The following RGSL1 variants were observed in gnomAD, a reference collection of about 807,000 sequenced individuals.
The protein encoded by RGSL1 is regulator of G protein signaling like 1.
In RGSL1, 97 loss-of-function variants were observed where a neutral mutation model predicts 124.7. The observed-to-expected ratio is 0.78, with a 90% CI of 0.66 to 0.92. The LOEUF (loss-of-function observed/expected upper bound fraction) is 0.92. RGSL1 is among the 40% of genes least tolerant of loss of function. The pLI, the probability that RGSL1 is intolerant of heterozygous loss-of-function variation, is 0.00. For synonymous variants in RGSL1, 424 were observed against 438.1 expected (o/e 0.97, Z 0.40); for missense variants, 1,233 against 1,288.4 (o/e 0.96, Z 0.66).
chr1:182,500,511 G>A (rs1259926903), intron 9 of RGSL1, among the ~76,000 whole-genome samples: 1 of 152,036 alleles, frequency 6.6e-6, no homozygotes, highest in African/African-American at 2.4e-5. Flanking sequence ...TTCTATGTGA[G>A]TTTTTGGACC....
intron 14 of RGSL1, among the ~76,000 whole-genome samples, chr1:182,535,219 C>T (rs942067292): frequency 5.9e-5 from 9 of 152,202 alleles, no homozygotes; most frequent in Non-Finnish European, 1.2e-4. Flanking sequence ...GATGCAACCC[C>T]TATCTTGAAC....
At chr1:182,547,691 C>A (rs1660301076) in intron 15 of RGSL1, among the ~76,000 whole-genome samples, 1 of 152,124 alleles carries the variant, frequency 6.6e-6, no homozygotes, top group Admixed American at 6.5e-5. Flanking sequence ...GAAATCCCGT[C>A]TCTACTAAAA....
Position 182,486,810 on chromosome 1 carries a change from G to A in RGSL1, c.1432-1475G>A, listed in dbSNP as rs141889139. Among the ~76,000 whole-genome samples the A allele has an allele frequency of 2.0e-5, 3 of 152,218 alleles. No individual in the cohort carries two copies. The East Asian group carries it at 5.8e-4, about 29-fold the overall frequency. ...CCTGCCTCAGCCTCCCAAGTAGCTG[G>A]GATTACAGGCATGTGCCACCATGAC... is the stretch of plus-strand genomic sequence containing the variant. On this transcript the variant is annotated intron_variant, in intron 6 of 21. Transcript: ENST00000294854.
chr1:182,525,541 A>G (rs1035477547), intron 10 of RGSL1, among the ~76,000 whole-genome samples: 1 of 151,808 alleles, frequency 6.6e-6, no homozygotes, highest in Non-Finnish European at 1.5e-5. Context: ...TTAAGTTGAC[A>G]AAAGAATCAT....
intron 21 of RGSL1, among the ~76,000 whole-genome samples, chr1:182,558,082 G>A (rs1660965693): frequency 6.6e-6 from 1 of 151,650 alleles, no homozygotes; most frequent in Admixed American, 6.6e-5. Context: ...AAGGAAGGAG[G>A]GAAGGAAGGA....
intron 9 of RGSL1, among the ~76,000 whole-genome samples, chr1:182,507,679 T>C (rs1173422934): frequency 1.3e-5 from 2 of 152,170 alleles, no homozygotes; most frequent in Admixed American, 6.5e-5. Context: ...TGAATAGTAC[T>C]ACAATGAACA....
chr1:182,515,781 C>A (rs940842541), intron 9 of RGSL1, among the ~76,000 whole-genome samples: 1 of 152,130 alleles, frequency 6.6e-6, no homozygotes, highest in Admixed American at 6.5e-5. Flanking sequence ...GGGTGCAGCT[C>A]GTACGTGCTG....
chr1:182,457,021 C>T (rs1056676783), intron 2 of RGSL1, among the ~76,000 whole-genome samples: 4 of 152,034 alleles, frequency 2.6e-5, no homozygotes, highest in African/African-American at 9.7e-5. Context: ...GTGGCGCATG[C>T]CTGTAATCCC....
At chr1:182,508,685 TTTTTTTTA>T (rs2102180115) in intron 9 of RGSL1, among the ~76,000 whole-genome samples, 3 of 125,792 alleles carry the variant, frequency 2.4e-5, no homozygotes, top group Non-Finnish European at 3.5e-5. Flanking sequence ...TTTTTTTTTT[TTTTTTTTA>T]ATTTATTTTT....
intron 9 of RGSL1, among the ~76,000 whole-genome samples, chr1:182,504,006 A>G (rs1176941458): frequency 8.1e-6 from 1 of 124,158 alleles, no homozygotes; most frequent in Non-Finnish European, 1.6e-5. Flanking sequence ...TTTGAGACAG[A>G]GTCTCACTCT....
intron 11 of RGSL1, 27 bp downstream of exon 11, chr1:182,527,799 T>G (rs1658865726): frequency 6.6e-7 from 1 of 1,519,230 alleles, no homozygotes; most frequent in Non-Finnish European, 8.9e-7. Flanking sequence ...GATCCTGTTT[T>G]CTCTCTCTCT....
intron 6 of RGSL1, among the ~76,000 whole-genome samples, chr1:182,476,340 G>A (rs1267419851): frequency 6.6e-6 from 1 of 152,158 alleles, no homozygotes; most frequent in Non-Finnish European, 1.5e-5. Flanking sequence ...ACGTGGAGAA[G>A]ACTAGCCTAT....
At chr1:182,485,243 G>A (rs967399754) in intron 6 of RGSL1, among the ~76,000 whole-genome samples, 1 of 152,174 alleles carries the variant, frequency 6.6e-6, no homozygotes, top group Non-Finnish European at 1.5e-5. Flanking sequence ...AGTGGGTGGT[G>A]GAGGCCCAAT....
intron 15 of RGSL1, among the ~76,000 whole-genome samples, chr1:182,544,643 T>A (rs1463530069): frequency 6.6e-6 from 1 of 152,056 alleles, no homozygotes; most frequent in African/African-American, 2.4e-5. Flanking sequence ...CTTTAGATCT[T>A]TTAATGTTTG....
At chr1:182,507,600 T>C (rs1377797974) in intron 9 of RGSL1, among the ~76,000 whole-genome samples, 2 of 152,250 alleles carry the variant, frequency 1.3e-5, no homozygotes, top group Admixed American at 6.5e-5. Flanking sequence ...ATTGTGTATA[T>C]GTACCATGTT....
chr1:182,467,460 GCC>G (rs1653437065), intron 4 of RGSL1, among the ~76,000 whole-genome samples: 2 of 152,026 alleles, frequency 1.3e-5, no homozygotes, highest in Non-Finnish European at 2.9e-5. Flanking sequence ...CAGAAATAAT[GCC>G]ACATATCTAC....
Position 182,470,018 on chromosome 1 carries a change from G to A in RGSL1, c.302-2378G>A, listed in dbSNP as rs75487600. Among the ~76,000 whole-genome samples, 894 of 149,774 alleles carry A rather than the reference G, an allele frequency of 6.0e-3. 30 individuals carry two copies. The East Asian group carries it at 0.082, about 14-fold the overall frequency. Reference sequence around the variant, plus strand: ...GGAGCTGGGAGGAGGGGGGAAATAGGCAGTGACTGTTTAATGAGTAAAGAG... The same window carrying A: ...GGAGCTGGGAGGAGGGGGGAAATAGACAGTGACTGTTTAATGAGTAAAGAG... On this transcript the variant is annotated intron_variant, in intron 4 of 21. Coordinates refer to ENST00000294854, the MANE Select transcript of RGSL1 (RefSeq NM_001137669.2).
chr1:182,518,621 G>T (rs550481826), intron 9 of RGSL1, among the ~76,000 whole-genome samples: 1 of 152,220 alleles, frequency 6.6e-6, no homozygotes, highest in East Asian at 1.9e-4. Context: ...AACCCAAGAT[G>T]GTGGAGAAGC....
chr1:182,540,326 A>G lies in RGSL1; in HGVS notation c.2574A>G (p.Gly858=), dbSNP rs997693266. The change falls in exon 15 of 22, where the codon GGA becomes GGG. Residue 858 remains glycine (G), a synonymous_variant. Coordinates refer to ENST00000294854, the MANE Select transcript of RGSL1 (RefSeq NM_001137669.2). ...TNVRSADQEN[G]EITLVKRRIF... ...TCCGGAGTGCAGACCAAGAGAATGG[A>G]GAAATAACCCTTGTAAAGCGTCGTA... 3.9e-6 allele frequency: 6 copies of G among 1,551,414 alleles called. No homozygotes were observed. In the African/African-American group the frequency reaches 4.1e-5, roughly 11 times the overall value.
Sources: allele counts gnomAD v4.1 joint callset (sites outside exome capture counted in the v4.1 genomes callset), GRCh38; gene constraint gnomAD v4.1.1; transcripts MANE v1.5; gene names NCBI Gene and HGNC (gene_info 2026-07-23, HGNC 2026-07-21).